The following PIP5KL1 variants were observed in gnomAD, a reference collection of about 807,000 sequenced individuals.
The protein encoded by PIP5KL1 is phosphatidylinositol 4-phosphate 5-kinase-like protein 1.
In PIP5KL1, 45 loss-of-function variants were observed where a neutral mutation model predicts 47.6. The observed-to-expected ratio is 0.94, with a 90% CI of 0.74 to 1.21. The LOEUF is 1.21. PIP5KL1 is among the 50% of genes most tolerant of loss of function. The probability of loss-of-function intolerance (pLI) is 0.00; values close to 1 mark genes in which losing one functional copy is unlikely to be tolerated. For missense variants in PIP5KL1, 577 were observed against 547.6 expected (o/e 1.05, Z -0.54); for synonymous variants, 256 against 234.6 (o/e 1.09, Z -0.84).
chr9:127,925,201 G>A lies in PIP5KL1; in HGVS notation c.823C>T (p.Leu275Phe). Residue 275 changes from leucine (L) to phenylalanine (F), a missense_variant, in exon 9 of 10, where the codon CTC becomes TTC. Transcript: ENST00000388747. ...MELDTTFLRE[L>F]NVLDYSLLIA... ...AGGAGGCTGTAATCCAGCACGTTGA[G>A]CTCCCGGAGGAAGGTGGTATCCAGT... 6.2e-7 allele frequency: 1 copy of A among 1,614,060 alleles called. No individual in the cohort carries two copies. The highest frequency in any genetic ancestry group is 8.5e-7 in the Non-Finnish European group (1 of 1,180,040).
intron 9 of PIP5KL1, among the ~76,000 whole-genome samples, chr9:127,923,582 G>T (rs985527984): frequency 4.6e-5 from 7 of 152,252 alleles, no homozygotes; most frequent in African/African-American, 1.7e-4. Context: ...CCCATGGCAG[G>T]CTTGCCACCA....
intron 8 of PIP5KL1, chr9:127,925,462 T>C (rs1420960984): frequency 1.4e-5 from 8 of 586,772 alleles, no homozygotes; most frequent in Non-Finnish European, 2.0e-5. Context: ...CCAGAATCTC[T>C]TTTATTTTTA....
Position 127,925,139 on chromosome 9 carries a change from G to A in PIP5KL1, c.885C>T (p.Gly295=). 1 of 1,614,130 alleles carries A rather than the reference G, an allele frequency of 6.2e-7. No individual in the cohort carries two copies. Among genetic ancestry groups the A allele is most frequent in the South Asian group, 1.1e-5 (1 of 91,082 alleles). Residue 295 remains glycine, a synonymous_variant, in exon 9 of 10, where the codon GGC becomes GGT. Coordinates refer to ENST00000388747, the MANE Select transcript of PIP5KL1 (RefSeq NM_001135219.2). ...AFQRLHEDER[G]PGSSLIFRTA... is the part of the protein sequence containing the mutation. ...TGCGGAAGATGAGGCTGCTGCCCGG[G>A]CCCCTCTCATCCTCGTGGAGACGTT...
rs114601584 is a variant in PIP5KL1, at chr9:127,922,833, T to C, written c.918-719A>G. Among the ~76,000 whole-genome samples the C allele has an allele frequency of 4.3e-3, 649 of 152,296 alleles. 6 individuals carry two copies. The highest frequency in any genetic ancestry group is 0.015 in the African/African-American group (607 of 41,552). ...TTTTGGATGTATTGAGTAAATGAAT[T>C]ATAGTATTTCACCTGTTTTTACTTT... On this transcript the variant is annotated intron_variant, in intron 9 of 9. Coordinates refer to ENST00000388747, the MANE Select transcript of PIP5KL1 (RefSeq NM_001135219.2).
In PIP5KL1 at chr9:127,927,181, A is replaced by C. The variant is rs775610935; in HGVS notation, c.622T>G (p.Phe208Val). 6 of 1,612,514 alleles carry C rather than the reference A, an allele frequency of 3.7e-6. No individual in the cohort carries two copies. The highest frequency in any genetic ancestry group is 1.7e-6 in the Non-Finnish European group (2 of 1,179,294). ...TCGGAGATGCGGCCGGCGGGGTAGA[A>C]GACGCTCTGCATGACGATGAAGTAC... ...KTYFIVMQSVFYPAGRISERY... is the reference protein window; with the variant it reads ...KTYFIVMQSVVYPAGRISERY... Residue 208 changes from phenylalanine (F) to valine (V), a missense_variant, in exon 7 of 10, where the codon TTC (phenylalanine) becomes GTC (valine). By Grantham distance (50) the Phe-to-Val change is conservative (BLOSUM62 -1). Transcript: ENST00000388747. The surrounding 1 kb of genome is among the most constrained non-coding windows in gnomAD (Gnocchi z 5.5).
chr9:127,921,691 C>A lies in PIP5KL1; in HGVS notation c.*156G>T, dbSNP rs1389824952. 4.7e-6 allele frequency: 5 copies of A among 1,065,512 alleles called. No homozygotes were observed. Among genetic ancestry groups the A allele is most frequent in the Non-Finnish European group, 6.6e-6 (5 of 762,828 alleles). The allele number at this position is 1,065,512 out of a possible 1,614,324, so 66.0% of individuals were successfully genotyped here. On this transcript the variant is annotated 3_prime_UTR_variant, in exon 10 of 10. Transcript: ENST00000388747. ...GGCACGATGCTGGGCACGGCACCAC[C>A]GTCAAACGGGACTGCGCGGTTACGG...
chr9:127,927,656 C>A lies in PIP5KL1; in HGVS notation c.551G>T (p.Arg184Leu). 6.5e-7 allele frequency: 1 copy of A among 1,537,638 alleles called. No homozygotes were observed. The highest frequency in any genetic ancestry group is 8.7e-7 in the Non-Finnish European group (1 of 1,145,688). ...CGCCCCCAGCCAAGTACCCAGCAAC[C>A]GCGCCAGCAGCGAGTGCGGGTGCCG... ...LQRHPHSLLA[R>L]LLGVHSLRVD... Residue 184 changes from arginine to leucine, a missense_variant, in exon 5 of 10, where the codon CGG (arginine) becomes CTG (leucine). Coordinates refer to ENST00000388747, the MANE Select transcript of PIP5KL1 (RefSeq NM_001135219.2). This position sits in a 1 kb window ranked among gnomAD's most constrained non-coding sequence, Gnocchi z 5.5.
At position 127,927,284 on chromosome 9, in the gene PIP5KL1, C is replaced by T; in HGVS notation, c.594+13G>A. On this transcript the variant is annotated intron_variant, in intron 6 of 9. Coordinates refer to ENST00000388747, the MANE Select transcript of PIP5KL1 (RefSeq NM_001135219.2). This position sits in a 1 kb window ranked among gnomAD's most constrained non-coding sequence, Gnocchi z 5.5. The stretch of plus-strand genomic sequence containing the variant: ...CCCGCTCCGCCCAGCCACCTCGCCT[C>T]GGCTTCACCCACCTTCTTTCCCCGG... 1.2e-6 allele frequency: 2 copies of T among 1,611,450 alleles called. No homozygotes were observed. The highest frequency in any genetic ancestry group is 1.7e-6 in the Non-Finnish European group (2 of 1,179,374).
Position 127,927,557 on chromosome 9 carries a change from C to G in PIP5KL1, c.559+91G>C. On this transcript the variant is annotated intron_variant, in intron 5 of 9. Transcript: ENST00000388747. This position sits in a 1 kb window ranked among gnomAD's most constrained non-coding sequence, Gnocchi z 5.5. ...CCCATGCCCTACAACCCCAAATCCG[C>G]CCATTTGGGCCCCGCCCACATACCC... 2 of 1,453,804 alleles carry G rather than the reference C, an allele frequency of 1.4e-6. No homozygotes were observed. The highest frequency in any genetic ancestry group is 1.8e-6 in the Non-Finnish European group (2 of 1,106,560). The allele number at this position is 1,453,804 out of a possible 1,614,324, so 90.1% of individuals were successfully genotyped here. A position where few individuals can be genotyped will look rare whatever the true frequency, so the allele number is the denominator to read the frequency against.
In PIP5KL1 at chr9:127,922,089, C is replaced by G; in HGVS notation, c.943G>C (p.Glu315Gln). Reference protein sequence around the residue: ...ARSVQGAQSPEESRAQNRRLL... With the variant: ...ARSVQGAQSPQESRAQNRRLL... ...CGGCGGTTTTGGGCTCTCGACTCTT[C>G]CGGGCTCTGTGCCCCTTGCACAGAC... is the stretch of plus-strand genomic sequence containing the variant. The change falls in exon 10 of 10, where the codon GAA becomes CAA. Residue 315 changes from glutamate (E) to glutamine (Q), a missense_variant. By Grantham distance (29) the Glu-to-Gln change is conservative. Transcript: ENST00000388747. 2 of 1,551,084 alleles carry G rather than the reference C, an allele frequency of 1.3e-6. No homozygotes were observed. Among genetic ancestry groups the G allele is most frequent in the Non-Finnish European group, 1.7e-6 (2 of 1,150,364 alleles).
chr9:127,922,210 G>T, intron 9 of PIP5KL1, 96 bp from the exon 10 acceptor site: 1 of 1,382,382 alleles, frequency 7.2e-7, no homozygotes, highest in Non-Finnish European at 9.5e-7. Context: ...CCCTCCACCA[G>T]CTCATTCCCA....
chr9:127,928,031 T>TA, intron 4 of PIP5KL1, 34 bp downstream of exon 4: 17 of 1,496,406 alleles, frequency 1.1e-5, no homozygotes, highest in South Asian at 2.7e-5. Context: ...GGGGTACCAC[T>TA]CCCACCCCTG....
rs1042202984 is a variant in PIP5KL1 at position 127,929,466 on chromosome 9, C to A, written c.228+222G>T. On this transcript the variant is annotated intron_variant, in intron 2 of 9. Transcript: ENST00000388747. The surrounding 1 kb of genome is among the most constrained non-coding windows in gnomAD (Gnocchi z 4.0). ...ACTGAGGCCCAGAGAGAGGCAGAGA[C>A]CCACCTAGAGTCACACAGCAACCAC... Among the ~76,000 whole-genome samples, 1 of 152,062 alleles carries A rather than the reference C, an allele frequency of 6.6e-6. No individual in the cohort carries two copies. Among genetic ancestry groups the A allele is most frequent in the South Asian group, 2.1e-4 (1 of 4,830 alleles).
intron 1 of PIP5KL1, 81 bp downstream of exon 1, chr9:127,930,642 T>C (rs902001468): frequency 7.0e-7 from 1 of 1,433,710 alleles, no homozygotes; most frequent in South Asian, 1.4e-5. Context: ...TGGGGGCGTG[T>C]CCGCGCCGCT....
Position 127,929,665 on chromosome 9 carries a change from C to G in PIP5KL1, c.228+23G>C. On this transcript the variant is annotated intron_variant, in intron 2 of 9. Coordinates refer to ENST00000388747, the MANE Select transcript of PIP5KL1 (RefSeq NM_001135219.2). This position sits in a 1 kb window ranked among gnomAD's most constrained non-coding sequence, Gnocchi z 4.0. Reference sequence around the variant, plus strand: ...TCTTGCCATTGCTGGTGTGGAGATTCGTGGGACAGATGGGCCACTCACCGT... The same window carrying G: ...TCTTGCCATTGCTGGTGTGGAGATTGGTGGGACAGATGGGCCACTCACCGT... 1 of 1,528,092 alleles carries G rather than the reference C, an allele frequency of 6.5e-7. No individual in the cohort carries two copies. Among genetic ancestry groups the G allele is most frequent in the Non-Finnish European group, 8.9e-7 (1 of 1,128,590 alleles). 94.7% of individuals were successfully genotyped at this position (1,528,092 alleles called of 1,614,324 possible). A position where few individuals can be genotyped will look rare whatever the true frequency, so the allele number is the denominator to read the frequency against.
At chr9:127,926,972 A>T (rs1188211222) in intron 7 of PIP5KL1, among the ~76,000 whole-genome samples, 181 bp downstream of exon 7, 1 of 152,246 alleles carries the variant, frequency 6.6e-6, no homozygotes, top group Non-Finnish European at 1.5e-5. Context: ...CACGGCGCCT[A>T]ACGCACACTG....
In PIP5KL1 at chr9:127,925,929, T is replaced by C; in HGVS notation, c.701A>G (p.Glu234Gly). The C allele has an allele frequency of 1.9e-6, 3 of 1,614,050 alleles. No homozygotes were observed. Among genetic ancestry groups the C allele is most frequent in the Non-Finnish European group, 2.5e-6 (3 of 1,179,988 alleles). The change falls in exon 8 of 10, where the codon GAG becomes GGG. Residue 234 changes from glutamate to glycine, a missense_variant. Physicochemically the swap from Glu to Gly is moderately conservative, Grantham distance 98 (BLOSUM62 -2). Transcript: ENST00000388747. ...EVSRWVDPAPEGSPLVLVLKD... is the reference protein window; with the variant it reads ...EVSRWVDPAPGGSPLVLVLKD... Reference sequence around the variant, plus strand: ...CAGCACCAGAACAAGGGGGCTGCCCTCAGGGGCGGGATCCACCCAGCGGCT... The same window carrying C: ...CAGCACCAGAACAAGGGGGCTGCCCCCAGGGGCGGGATCCACCCAGCGGCT...
chr9:127,929,690 T>C lies in PIP5KL1; in HGVS notation c.226A>G (p.Thr76Ala). The change falls in exon 2 of 10, where the codon ACG (threonine) becomes GCG (alanine). Residue 76 changes from threonine to alanine, a missense_variant and splice_region_variant. By Grantham distance (58) the Thr-to-Ala change is moderately conservative. Coordinates refer to ENST00000388747, the MANE Select transcript of PIP5KL1 (RefSeq NM_001135219.2). This position sits in a 1 kb window ranked among gnomAD's most constrained non-coding sequence, Gnocchi z 4.0. ...CGTGGGACAGATGGGCCACTCACCG[T>C]GGGTGGGTGGTCCATGGAGACCTGG... ...ATQVSMDHPPTGPPSRDDFSE... is the reference protein window; with the variant it reads ...ATQVSMDHPPAGPPSRDDFSE... 1 of 1,560,016 alleles carries C rather than the reference T, an allele frequency of 6.4e-7. No individual in the cohort carries two copies. The highest frequency in any genetic ancestry group is 8.7e-7 in the Non-Finnish European group (1 of 1,147,168).
At position 127,927,754 on chromosome 9, in the gene PIP5KL1, G is replaced by A. The variant is rs772414561; in HGVS notation, c.453C>T (p.Phe151=). Residue 151 remains phenylalanine, a synonymous_variant, in exon 5 of 10, where the codon TTC becomes TTT. Coordinates refer to ENST00000388747, the MANE Select transcript of PIP5KL1 (RefSeq NM_001135219.2). This position sits in a 1 kb window ranked among gnomAD's most constrained non-coding sequence, Gnocchi z 5.5. ...SFFLSHDQRF[F]LKTQGRREVQ... ...CCTCTCGGCGCCCCTGGGTCTTCAG[G>A]AAGAAGCGCTGGTCGTGGCTGGGGG... The A allele has an allele frequency of 2.9e-5, 45 of 1,561,696 alleles. No homozygotes were observed. The highest frequency in any genetic ancestry group is 3.8e-5 in the Non-Finnish European group (44 of 1,154,154).
Sources: gnomAD v4.1 joint callset for allele counts (sites outside exome capture counted in the v4.1 genomes callset) on GRCh38, gnomAD v4.1.1 for gene constraint, Gnocchi (gnomAD v3.1) non-coding constraint, MANE v1.5 for transcripts, NCBI Gene and HGNC (gene_info 2026-07-23, HGNC 2026-07-21) for gene names.